The following ATPAF2 variants were observed in gnomAD, a reference collection of about 807,000 sequenced individuals.
ATPAF2 encodes the protein ATP12 homolog.
A neutral mutation model predicts 36.6 loss-of-function variants in ATPAF2; 30 were observed. The ratio of observed to expected loss-of-function variants is 0.82; its 90% CI spans 0.61 to 1.11. The LOEUF (loss-of-function observed/expected upper bound fraction) is 1.11, where lower values mean the gene tolerates loss of function less well. Ranked by LOEUF, ATPAF2 falls within the 50% of genes most tolerant of loss-of-function variation. The pLI is 0.00. For missense variants in ATPAF2, 321 were observed against 372.3 expected, an observed-to-expected ratio of 0.86 and a Z score of 1.13; for synonymous variants, 140 against 152.6, an observed-to-expected ratio of 0.92 and a Z score of 0.61.
At chr17:18,016,708 C>A, downstream of ATPAF2, 1 of 1,378,544 alleles carries the variant, frequency 7.3e-7, no homozygotes, top group South Asian at 1.2e-5. Flanking sequence ...CAAAACATAG[C>A]ACCAGCCCCA....
At position 18,028,322 on chromosome 17, in the gene ATPAF2, G is replaced by A. The variant is rs769691634; in HGVS notation, c.234C>T (p.Leu78=). 8 of 1,614,164 alleles carry A rather than the reference G, an allele frequency of 5.0e-6. No homozygotes were observed. The South Asian group carries it at 6.6e-5, about 13-fold the overall frequency. The change falls in exon 3 of 8, where the codon CTC becomes CTT. Residue 78 remains leucine, a synonymous_variant. Coordinates refer to ENST00000474627, the MANE Select transcript of ATPAF2 (RefSeq NM_145691.4). ...HRKLKTPQAK[L]FTVPSEALAI... The stretch of plus-strand genomic sequence containing the variant: ...CCAGGGCCTCGCTGGGGACGGTAAA[G>A]AGCTTGGCTTGGGGAGTTTTCAGCT...
At chr17:18,028,719 G>A (rs2044584196) in intron 1 of ATPAF2, 60 bp from the exon 2 acceptor site, 3 of 1,462,578 alleles carry the variant, frequency 2.1e-6, no homozygotes, top group Non-Finnish European at 1.9e-6. Flanking sequence ...CTCAGGAAGC[G>A]ACAGGACCAG....
chr17:18,039,025 G>T lies in ATPAF2; in HGVS notation c.-12C>A. 1.3e-6 allele frequency: 2 copies of T among 1,591,300 alleles called. No homozygotes were observed. Among genetic ancestry groups the T allele is most frequent in the Non-Finnish European group, 1.7e-6 (2 of 1,168,828 alleles). ...CAGCTCCTCCACATCGCGCCCGAGG[G>T]TCTGGGAAGATGCGAGACGCGAAAC... On this transcript the variant is annotated 5_prime_UTR_variant, in exon 1 of 8. Transcript: ENST00000474627. The surrounding 1 kb of genome is among the most constrained non-coding windows in gnomAD (Gnocchi z 5.3).
At chr17:18,027,524 G>A (rs1213966655) in intron 3 of ATPAF2, among the ~76,000 whole-genome samples, 1 of 152,184 alleles carries the variant, frequency 6.6e-6, no homozygotes, top group Non-Finnish European at 1.5e-5. Context: ...TCCGTGAGGT[G>A]GGTACTATTA....
At chr17:18,034,763 C>A (rs534891032) in intron 1 of ATPAF2, among the ~76,000 whole-genome samples, 1 of 150,776 alleles carries the variant, frequency 6.6e-6, no homozygotes, top group African/African-American at 2.4e-5. Context: ...TATGTCCACA[C>A]AAAAACTTGT....
chr17:18,023,134 A>G (rs1307541257), intron 5 of ATPAF2, among the ~76,000 whole-genome samples: 3 of 150,370 alleles, frequency 2.0e-5, no homozygotes, highest in Middle Eastern at 3.5e-3. Flanking sequence ...TTTCAAAAAA[A>G]AAAAAAAAAA....
intron 3 of ATPAF2, 166 bp downstream of exon 3, chr17:18,028,066 A>T: frequency 3.7e-6 from 3 of 804,914 alleles, no homozygotes; most frequent in Non-Finnish European, 6.4e-6. Flanking sequence ...GCCGGGCCAG[A>T]CAAGGAAAGA....
chr17:18,026,554 GAGC>G, intron 3 of ATPAF2, 138 bp from the exon 4 acceptor site: 1 of 744,866 alleles, frequency 1.3e-6, no homozygotes, highest in South Asian at 1.4e-5. Flanking sequence ...TGCATTACCG[GAGC>G]AGCAGCACAG....
In ATPAF2 at chr17:18,020,108, T is replaced by TTTTGTTTGTTTG. The variant is rs60778568; in HGVS notation, c.732+1003_732+1014dup. ...ATACATCACAAAAAGTTTTGTGTTT[T>TTTTGTTTGTTTG]TTTGTTTGTTTGTTTTTACCATATT... On this transcript the variant is annotated intron_variant, in intron 7 of 7. Coordinates refer to ENST00000474627, the MANE Select transcript of ATPAF2 (RefSeq NM_145691.4). 7.6e-3 allele frequency among the ~76,000 whole-genome samples: 1,150 copies of TTTTGTTTGTTTG among 151,548 alleles called. 50 individuals are homozygous for TTTTGTTTGTTTG. The highest frequency in any genetic ancestry group is 0.062 in the Admixed American group (946 of 15,230).
intron 1 of ATPAF2, among the ~76,000 whole-genome samples, chr17:18,035,236 C>CAA (rs777598440): frequency 1.4e-4 from 21 of 147,418 alleles, no homozygotes; most frequent in African/African-American, 2.5e-4. Flanking sequence ...CTCTTAAAAA[C>CAA]AAAAAAAAAC....
In ATPAF2 at chr17:18,018,435, G is replaced by A; in HGVS notation, c.*114C>T. 1 of 1,458,748 alleles carries A rather than the reference G, an allele frequency of 6.9e-7. No homozygotes were observed. Among genetic ancestry groups the A allele is most frequent in the Non-Finnish European group, 9.5e-7 (1 of 1,054,288 alleles). 90.4% of individuals were successfully genotyped at this position (1,458,748 alleles called of 1,614,324 possible). ...TCGGGGGGAATCTCAGGGTGACGCT[G>A]AGGCCGAGTCCCCAAAAGCCAAGGA... is the stretch of plus-strand genomic sequence containing the variant. On this transcript the variant is annotated 3_prime_UTR_variant, in exon 8 of 8. Transcript: ENST00000474627.
In ATPAF2 at chr17:18,028,349, C is replaced by T; in HGVS notation, c.207G>A (p.Arg69=). 6.2e-6 allele frequency: 10 copies of T among 1,614,084 alleles called. No individual in the cohort carries two copies. Among genetic ancestry groups the T allele is most frequent in the Non-Finnish European group, 8.5e-6 (10 of 1,180,022 alleles). The change falls in exon 3 of 8, where the codon AGG becomes AGA. Residue 69 remains arginine (R), a synonymous_variant. Transcript: ENST00000474627. ...EGGFEINLDH[R]KLKTPQAKLF... is the part of the protein sequence containing the mutation. Reference sequence around the variant, plus strand: ...GCTTGGCTTGGGGAGTTTTCAGCTTCCTGTGGTCCAGGTTTATCTCAAAGC... The same window carrying T: ...GCTTGGCTTGGGGAGTTTTCAGCTTTCTGTGGTCCAGGTTTATCTCAAAGC...
At chr17:18,029,825 A>C (rs974037946) in intron 1 of ATPAF2, among the ~76,000 whole-genome samples, 2 of 149,150 alleles carry the variant, frequency 1.3e-5, no homozygotes, top group African/African-American at 2.5e-5. Flanking sequence ...TCCTGACCTC[A>C]AGTGATCCAA....
At position 18,021,828 on chromosome 17, in the gene ATPAF2, C is replaced by A; in HGVS notation, c.533G>T (p.Ser178Ile). Residue 178 changes from serine to isoleucine, a missense_variant, in exon 6 of 8, where the codon AGC becomes ATC. Physicochemically the swap from Ser to Ile is moderately radical, Grantham distance 142. This residue lies in a region of ATPAF2 where 199 missense variants were observed against 220.6 expected (regional missense o/e 0.90). Transcript: ENST00000474627. ...RYGVEISSST[S>I]IMGPSIPAKT... is the part of the protein sequence containing the mutation. ...GGCAGGGATGCTGGGTCCCATTATG[C>A]TGGTGGAGGAGCTGATCTCCACGCC... 2 of 1,614,146 alleles carry A rather than the reference C, an allele frequency of 1.2e-6. No individual in the cohort carries two copies. Among genetic ancestry groups the A allele is most frequent in the South Asian group, 2.2e-5 (2 of 91,076 alleles).
Position 18,021,245 on chromosome 17 carries a change from G to T in ATPAF2, c.617-7C>A. The T allele has an allele frequency of 6.2e-7, 1 of 1,609,086 alleles. No homozygotes were observed. Among genetic ancestry groups the T allele is most frequent in the Non-Finnish European group, 8.5e-7 (1 of 1,177,728 alleles). On this transcript the variant is annotated splice_region_variant and splice_polypyrimidine_tract_variant and intron_variant, in intron 6 of 7. Coordinates refer to ENST00000474627, the MANE Select transcript of ATPAF2 (RefSeq NM_145691.4). ...GCAGCTACAAACTCAATCCCTGCAG[G>T]GACACAAGCCAAGTCAGAACCCAAA...
At chr17:18,028,407 G>C in intron 2 of ATPAF2, 30 bp from the exon 3 acceptor site, 18 of 1,611,790 alleles carry the variant, frequency 1.1e-5, no homozygotes, top group Non-Finnish European at 1.5e-5. Context: ...AACTCTCAGG[G>C]ATTTGTTAAG....
chr17:18,031,282 A>G (rs918643557), intron 1 of ATPAF2, among the ~76,000 whole-genome samples: 9 of 151,744 alleles, frequency 5.9e-5, no homozygotes, highest in African/African-American at 2.2e-4. Flanking sequence ...GCCTACTCCA[A>G]ATATTTTTAT....
At chr17:18,021,721 G>A (rs2044471069) in intron 6 of ATPAF2, 24 bp downstream of exon 6, 12 of 1,603,318 alleles carry the variant, frequency 7.5e-6, no homozygotes, top group Non-Finnish European at 1.0e-5. Flanking sequence ...CACCTGCCAA[G>A]CCCACAAGAA....
intron 4 of ATPAF2, 165 bp from the exon 5 acceptor site, chr17:18,024,869 C>T (rs769427934): frequency 2.1e-4 from 142 of 671,420 alleles, no homozygotes; most frequent in Non-Finnish European, 3.5e-4. Flanking sequence ...GTGGCCCTGG[C>T]ACCAGCATCG....
Sources: allele counts gnomAD v4.1 joint callset (sites outside exome capture counted in the v4.1 genomes callset), GRCh38; gene constraint gnomAD v4.1.1; regional missense constraint gnomAD v4.1.1; non-coding constraint Gnocchi (gnomAD v3.1); transcripts MANE v1.5; gene names NCBI Gene and HGNC (gene_info 2026-07-23, HGNC 2026-07-21).